Variants in POC1A observed in about 807,000 individuals in gnomAD.
POC1A encodes POC1 centriolar protein A.
Under a neutral mutation model 47.8 loss-of-function variants are expected in POC1A, and 34 were observed. That is an observed-to-expected ratio of 0.71 (90% confidence interval 0.54 to 0.95). The LOEUF is 0.95. POC1A is among the 40% of genes least tolerant of loss of function. The pLI is 0.00. For synonymous variants in POC1A, 177 were observed against 207.6 expected (o/e 0.85, Z 1.27); for missense variants, 466 against 528.3 (o/e 0.88, Z 1.16).
chr3:52,105,990 C>T (rs1364162583), intron 9 of POC1A, among the ~76,000 whole-genome samples: 3 of 151,872 alleles, frequency 2.0e-5, no homozygotes, highest in African/African-American at 4.8e-5. Context: ...GTCAGGAGAT[C>T]GAGACCATCC....
intron 7 of POC1A, among the ~76,000 whole-genome samples, chr3:52,130,173 T>C (rs1459015474): frequency 6.6e-6 from 1 of 152,358 alleles, no homozygotes; most frequent in Non-Finnish European, 1.5e-5. Context: ...GACTCTCATA[T>C]GCACAGTCTT....
rs528610789 is a variant in POC1A at position 52,121,814 on chromosome 3, AT to A, written c.981+564del. On this transcript the variant is annotated intron_variant, in intron 9 of 10. Coordinates refer to ENST00000296484, the MANE Select transcript of POC1A (RefSeq NM_015426.5). ...TTTAATGAGACTGTATCAGTTATCAATTTTTTTCCCCAAATATTTATCAAAA... is the reference window on the plus strand; with the variant it reads ...TTTAATGAGACTGTATCAGTTATCAATTTTTTCCCCAAATATTTATCAAAA... 5.3e-5 allele frequency among the ~76,000 whole-genome samples: 8 copies of A among 152,314 alleles called. No homozygotes were observed. The East Asian group carries it at 9.6e-4, about 18-fold the overall frequency.
chr3:52,082,778 C>T (rs1702343141), intron 10 of POC1A, among the ~76,000 whole-genome samples: 1 of 152,112 alleles, frequency 6.6e-6, no homozygotes. Flanking sequence ...AGAAATTGCA[C>T]TGAAATACAA....
chr3:52,136,367 C>T lies in POC1A; in HGVS notation c.813+1802G>A, dbSNP rs530908288. Reference sequence around the variant, plus strand: ...CAAGTACTCTCTAAGACTCAGTCTACCTCTCAGCCAGCCTAACTCGTCTCA... The same window carrying T: ...CAAGTACTCTCTAAGACTCAGTCTATCTCTCAGCCAGCCTAACTCGTCTCA... On this transcript the variant is annotated intron_variant, in intron 7 of 10. Coordinates refer to ENST00000296484, the MANE Select transcript of POC1A (RefSeq NM_015426.5). Among the ~76,000 whole-genome samples the T allele has an allele frequency of 3.9e-5, 6 of 152,278 alleles. No homozygotes were observed. In the South Asian group the frequency reaches 1.0e-3, roughly 26 times the overall value.
At chr3:52,122,844 T>C (rs573507096) in intron 8 of POC1A, among the ~76,000 whole-genome samples, 4 of 152,390 alleles carry the variant, frequency 2.6e-5, no homozygotes, top group Non-Finnish European at 4.4e-5. Flanking sequence ...CTTCTGTGAA[T>C]GTTTATCATA....
intron 7 of POC1A, among the ~76,000 whole-genome samples, chr3:52,132,842 C>G (rs1226054762): frequency 6.6e-6 from 1 of 152,012 alleles, no homozygotes; most frequent in East Asian, 1.9e-4. Context: ...GTCAGGAGTT[C>G]GAGACCAGCC....
Position 52,075,367 on chromosome 3 carries a change from C to A in POC1A, c.*520G>T, listed in dbSNP as rs181454271. On this transcript the variant is annotated 3_prime_UTR_variant, in exon 11 of 11. Coordinates refer to ENST00000296484, the MANE Select transcript of POC1A (RefSeq NM_015426.5). Reference sequence around the variant, plus strand: ...AGAAATCAGGGCCACTGAAAAGCCACCACCCACTTGAGAGGGCTTGTTCTC... The same window carrying A: ...AGAAATCAGGGCCACTGAAAAGCCAACACCCACTTGAGAGGGCTTGTTCTC... 8.8e-4 allele frequency: 136 copies of A among 155,000 alleles called. No homozygotes were observed. Among genetic ancestry groups the A allele is most frequent in the Non-Finnish European group, 1.7e-3 (116 of 69,442 alleles). 9.6% of individuals were successfully genotyped at this position (155,000 alleles called of 1,614,324 possible).
chr3:52,105,747 T>C (rs1386333348), intron 9 of POC1A, among the ~76,000 whole-genome samples: 1 of 152,200 alleles, frequency 6.6e-6, no homozygotes, highest in Non-Finnish European at 1.5e-5. Context: ...ACCATCTAAC[T>C]TTTGGCAGTC....
intron 9 of POC1A, among the ~76,000 whole-genome samples, chr3:52,101,230 G>A (rs1702995766): frequency 6.6e-6 from 1 of 152,000 alleles, no homozygotes; most frequent in African/African-American, 2.4e-5. Flanking sequence ...TGAGAGTGAG[G>A]AAAATGACTG....
intron 9 of POC1A, among the ~76,000 whole-genome samples, chr3:52,118,274 A>G (rs997795441): frequency 2.0e-5 from 3 of 152,114 alleles, no homozygotes; most frequent in Admixed American, 6.5e-5. Context: ...CTAAGTAGAG[A>G]AGGTTCCCCA....
intron 10 of POC1A, among the ~76,000 whole-genome samples, chr3:52,081,469 G>A (rs564403716): frequency 1.3e-5 from 2 of 152,204 alleles, no homozygotes; most frequent in African/African-American, 2.4e-5. Flanking sequence ...CAGATGCCAC[G>A]CAGGCGCATA....
At chr3:52,081,032 C>T (rs1409977131) in intron 10 of POC1A, among the ~76,000 whole-genome samples, 3 of 152,230 alleles carry the variant, frequency 2.0e-5, no homozygotes, top group African/African-American at 7.2e-5. Flanking sequence ...CGAGGTTCAC[C>T]TGGGGGCTCA....
At chr3:52,096,109 T>C (rs777325804) in intron 10 of POC1A, among the ~76,000 whole-genome samples, 49 of 152,208 alleles carry the variant, frequency 3.2e-4, no homozygotes, top group Non-Finnish European at 5.7e-4. Flanking sequence ...CAGATAAACA[T>C]ACCAGGGCTT....
chr3:52,136,594 G>A (rs969580708), intron 7 of POC1A, among the ~76,000 whole-genome samples: 2 of 152,164 alleles, frequency 1.3e-5, no homozygotes, highest in Non-Finnish European at 2.9e-5. Context: ...CCTTTCCTCT[G>A]GGCATTGTGA....
chr3:52,125,014 G>C, intron 8 of POC1A, 99 bp downstream of exon 8: 1 of 935,490 alleles, frequency 1.1e-6, no homozygotes, highest in South Asian at 1.6e-5. Context: ...AAGGAAGCTG[G>C]CGAAACCCAG....
chr3:52,096,789 AG>A, intron 9 of POC1A, 77 bp from the exon 10 acceptor site: 1 of 1,312,588 alleles, frequency 7.6e-7, no homozygotes, highest in Non-Finnish European at 1.0e-6. Context: ...GCCCCTCCAA[AG>A]GATGAAAGGG....
rs1022750576 is a variant in POC1A, at chr3:52,079,149, T to G, written c.1126-3164A>C. 6.6e-6 allele frequency among the ~76,000 whole-genome samples: 1 copy of G among 152,244 alleles called. No homozygotes were observed. The highest frequency in any genetic ancestry group is 2.4e-5 in the African/African-American group (1 of 41,462). On this transcript the variant is annotated intron_variant, in intron 10 of 10. Coordinates refer to ENST00000296484, the MANE Select transcript of POC1A (RefSeq NM_015426.5). This position sits in a 1 kb window ranked among gnomAD's most constrained non-coding sequence, Gnocchi z 4.6. ...CCATATCACGTGGCCTTGTTCAGAA[T>G]GTATATGATCTTTACCTGTCGGTTC...
At chr3:52,123,562 TC>T (rs1418470228) in intron 8 of POC1A, among the ~76,000 whole-genome samples, 4 of 152,196 alleles carry the variant, frequency 2.6e-5, no homozygotes, top group Non-Finnish European at 4.4e-5. Context: ...CTGTTTCCTC[TC>T]CCAGATGGAT....
chr3:52,138,581 C>T (rs1698066765), intron 6 of POC1A, among the ~76,000 whole-genome samples: 1 of 152,222 alleles, frequency 6.6e-6, no homozygotes, highest in African/African-American at 2.4e-5. Context: ...GACGATTCCT[C>T]CATCCTCTCC....
Sources: allele counts gnomAD v4.1 joint callset (sites outside exome capture counted in the v4.1 genomes callset), GRCh38; gene constraint gnomAD v4.1.1; non-coding constraint Gnocchi (gnomAD v3.1); transcripts MANE v1.5; gene names NCBI Gene and HGNC (gene_info 2026-07-23, HGNC 2026-07-21).